Variants in MAPK10 observed in about 807,000 individuals in gnomAD.
The protein encoded by MAPK10 is JNK3 alpha protein kinase.
A neutral mutation model predicts 59.3 loss-of-function variants in MAPK10; 25 were observed. That is an observed-to-expected ratio of 0.42 (90% CI 0.31 to 0.59). The LOEUF (loss-of-function observed/expected upper bound fraction) is 0.59, where lower values mean the gene tolerates loss of function less well. MAPK10 is among the 20% of genes least tolerant of loss of function. The pLI is 0.15. For synonymous variants in MAPK10, 190 were observed against 200.5 expected (o/e 0.95, Z 0.44); for missense variants, 351 against 568.9 (o/e 0.62, Z 3.90).
At chr4:86,452,879 C>T (rs540275936) in intron 1 of MAPK10, among the ~76,000 whole-genome samples, 8 of 152,210 alleles carry the variant, frequency 5.3e-5, no homozygotes, top group African/African-American at 1.9e-4. Context: ...CCCATGGACC[C>T]TCTAAAGGGT....
chr4:86,283,487 T>C (rs1482786037), intron 2 of MAPK10, among the ~76,000 whole-genome samples: 1 of 152,214 alleles, frequency 6.6e-6, no homozygotes, highest in South Asian at 2.1e-4. Context: ...AAGAGAACAG[T>C]GTCCTTACGA....
chr4:86,560,269 C>T (rs568074665), intron 1 of MAPK10, among the ~76,000 whole-genome samples: 2 of 152,250 alleles, frequency 1.3e-5, no homozygotes, highest in East Asian at 1.9e-4. Context: ...GAGTGAGACT[C>T]GTTAGCAAAC....
upstream of MAPK10, among the ~76,000 whole-genome samples, chr4:86,457,108 C>A (rs1309760486): frequency 6.7e-6 from 1 of 150,068 alleles, no homozygotes; most frequent in Non-Finnish European, 1.5e-5. Flanking sequence ...AATCTAGCAT[C>A]CCTTTATGAT....
At chr4:86,499,268 G>T (rs1420108921) in intron 1 of MAPK10, among the ~76,000 whole-genome samples, 1 of 152,140 alleles carries the variant, frequency 6.6e-6, no homozygotes, top group African/African-American at 2.4e-5. Flanking sequence ...TTATATTCCA[G>T]ATTATCACAA....
intron 1 of MAPK10, among the ~76,000 whole-genome samples, chr4:86,437,319 A>G (rs1258187789): frequency 6.6e-6 from 1 of 152,042 alleles, no homozygotes; most frequent in African/African-American, 2.4e-5. Flanking sequence ...GGTTTTTTAA[A>G]TCTTGATGGG....
rs769093991 is a variant in MAPK10 at position 86,098,554 on chromosome 4, G to A, written c.772C>T (p.Arg258Cys). 8.1e-6 allele frequency: 13 copies of A among 1,613,388 alleles called. No individual in the cohort carries two copies. The highest frequency in any genetic ancestry group is 4.5e-5 in the East Asian group (2 of 44,852). Residue 258 changes from arginine (R) to cysteine (C), a missense_variant, in exon 9 of 14, where the codon CGC (arginine) becomes TGC (cysteine). Transcript: ENST00000641462. ...CTTCCTGGAAAGAGGATTTTGTGGC[G>A]AACCATTTCTCCCATAATGCATCCC... ...SVGCIMGEMV[R>C]HKILFPGRDY...
chr4:86,456,194 C>T (rs1389004303), upstream of MAPK10, among the ~76,000 whole-genome samples: 1 of 152,028 alleles, frequency 6.6e-6, no homozygotes, highest in African/African-American at 2.4e-5. Context: ...TAAATGCCTA[C>T]ATAAAAATGT....
At chr4:86,075,318 A>G (rs1451418448) in intron 9 of MAPK10, among the ~76,000 whole-genome samples, 1 of 151,936 alleles carries the variant, frequency 6.6e-6, no homozygotes, top group East Asian at 1.9e-4. Flanking sequence ...AAAGTTTTTA[A>G]CTTCTTTGCC....
intron 2 of MAPK10, among the ~76,000 whole-genome samples, chr4:86,224,135 C>T (rs560680399): frequency 8.5e-5 from 13 of 152,168 alleles, no homozygotes; most frequent in Admixed American, 5.2e-4. Flanking sequence ...GTGCACTGAA[C>T]AAATGAAACT....
At chr4:86,370,172 C>G (rs1238683318) in intron 1 of MAPK10, among the ~76,000 whole-genome samples, 3 of 152,066 alleles carry the variant, frequency 2.0e-5, no homozygotes, top group African/African-American at 4.8e-5. Context: ...AAAGGAGATA[C>G]AGTTGATCAT....
intron 1 of MAPK10, among the ~76,000 whole-genome samples, chr4:86,389,501 C>T (rs916134134): frequency 3.9e-5 from 6 of 152,144 alleles, no homozygotes; most frequent in African/African-American, 1.2e-4. Flanking sequence ...CACTCCCCTA[C>T]GGGATAGTTT....
chr4:86,152,255 G>A (rs1214039702), intron 4 of MAPK10: 6 of 152,150 alleles, frequency 3.9e-5, no homozygotes, highest in South Asian at 2.1e-4. Context: ...TGTGAAAAAT[G>A]TTTTTAATGA....
chr4:86,503,242 T>C (rs994102770), intron 1 of MAPK10, among the ~76,000 whole-genome samples: 3 of 152,118 alleles, frequency 2.0e-5, no homozygotes, highest in African/African-American at 7.2e-5. Context: ...CTCTTTTGTC[T>C]CTGGCTCTAT....
At chr4:86,527,101 G>A (rs377296639) in intron 1 of MAPK10, among the ~76,000 whole-genome samples, 15 of 151,916 alleles carry the variant, frequency 9.9e-5, no homozygotes, top group African/African-American at 3.1e-4. Context: ...TTGAGCTCAG[G>A]CATTTGAGAC....
At position 86,501,680 on chromosome 4, in the gene MAPK10, G is replaced by GCACACA. The variant is rs144986675; in HGVS notation, c.-263+92224_-263+92229dup. On this transcript the variant is annotated intron_variant, in intron 1 of 4. Transcript: ENST00000502302. The stretch of plus-strand genomic sequence containing the variant: ...CATTTGTATGCATGTGTGTGTGCAT[G>GCACACA]CACACACACACACACACACACACTA... Among the ~76,000 whole-genome samples the GCACACA allele has an allele frequency of 5.7e-3, 831 of 147,016 alleles. 6 individuals carry two copies. The highest frequency in any genetic ancestry group is 0.02 in the African/African-American group (791 of 40,318).
intron 1 of MAPK10, among the ~76,000 whole-genome samples, chr4:86,589,971 A>G (rs1301931155): frequency 2.0e-5 from 3 of 150,076 alleles, no homozygotes; most frequent in Non-Finnish European, 3.0e-5. Flanking sequence ...GCTACAGAGC[A>G]AGACTCCATC....
chr4:86,164,558 T>C (rs967547673), intron 3 of MAPK10: 1 of 152,156 alleles, frequency 6.6e-6, no homozygotes, highest in Admixed American at 6.6e-5. Context: ...TTTCTTTATA[T>C]AATAAACCTG....
intron 4 of MAPK10, among the ~76,000 whole-genome samples, chr4:86,140,846 G>A (rs2063495521): frequency 6.6e-6 from 1 of 151,912 alleles, no homozygotes; most frequent in Non-Finnish European, 1.5e-5. Flanking sequence ...TTACTTCCCA[G>A]GCTCCCAAGT....
Position 86,410,051 on chromosome 4 carries a change from C to T in MAPK10, c.-122+42979G>A, listed in dbSNP as rs907712574. On this transcript the variant is annotated intron_variant, in intron 1 of 13. Transcript: ENST00000361569. The stretch of plus-strand genomic sequence containing the variant: ...TTGGCTGTGGGTTTGTCATAAATAG[C>T]TCTTATTATTTTGAGATAATTTCAT... 2.0e-5 allele frequency among the ~76,000 whole-genome samples: 3 copies of T among 152,074 alleles called. No homozygotes were observed. In the East Asian group the frequency reaches 5.8e-4, roughly 29 times the overall value.
Sources: allele counts gnomAD v4.1 joint callset (sites outside exome capture counted in the v4.1 genomes callset), GRCh38; gene constraint gnomAD v4.1.1; transcripts MANE v1.5; gene names NCBI Gene and HGNC (gene_info 2026-07-23, HGNC 2026-07-21).